Variants in ZNF280D observed in about 807,000 individuals in gnomAD.
The protein encoded by ZNF280D is zinc finger protein 280D.
A neutral mutation model predicts 94.7 loss-of-function variants in ZNF280D; 39 were observed. That is an observed-to-expected ratio of 0.41 (90% confidence interval 0.32 to 0.54). ZNF280D has a LOEUF of 0.54. ZNF280D is among the 20% of genes least tolerant of loss of function. ZNF280D has a pLI of 0.22. For synonymous variants in ZNF280D, 398 were observed against 377.6 expected (o/e 1.05, Z -0.63); for missense variants, 1,090 against 1,149.3 (o/e 0.95, Z 0.75).
At chr15:56,694,548 C>A (rs1166625223) in intron 6 of ZNF280D, among the ~76,000 whole-genome samples, 1 of 151,936 alleles carries the variant, frequency 6.6e-6, no homozygotes, top group Admixed American at 6.6e-5. Flanking sequence ...TACTAATGAA[C>A]AACATATACG....
At chr15:56,720,881 A>G (rs1177721777) in intron 1 of ZNF280D, among the ~76,000 whole-genome samples, 2 of 148,978 alleles carry the variant, frequency 1.3e-5, no homozygotes, top group Admixed American at 6.9e-5. Context: ...AACCACGTTT[A>G]CATCTGGTTC....
At chr15:56,686,436 G>A (rs1260733591) in intron 9 of ZNF280D, among the ~76,000 whole-genome samples, 1 of 152,004 alleles carries the variant, frequency 6.6e-6, no homozygotes, top group Non-Finnish European at 1.5e-5. Context: ...ATGACTCCCG[G>A]CCTCATAATA....
intron 1 of ZNF280D, among the ~76,000 whole-genome samples, chr15:56,708,671 T>C (rs2057564790): frequency 1.3e-5 from 2 of 152,082 alleles, no homozygotes; most frequent in African/African-American, 2.4e-5. Context: ...TATAGGCCAA[T>C]GGAACAGAAC....
At chr15:56,659,801 C>G (rs1430760890) in intron 16 of ZNF280D, among the ~76,000 whole-genome samples, 1 of 151,456 alleles carries the variant, frequency 6.6e-6, no homozygotes, top group Admixed American at 6.6e-5. Flanking sequence ...TTCACACACA[C>G]GCTAAAGTTT....
chr15:56,682,250 A>G lies in ZNF280D; in HGVS notation c.1004+4T>C. On this transcript the variant is annotated splice_donor_region_variant and intron_variant, in intron 10 of 21. Transcript: ENST00000267807. The stretch of plus-strand genomic sequence containing the variant: ...AATAGAAATAAAAACAAGTATTTAC[A>G]TACCTAATGTTATTTTTTAGAATTT... 1 of 1,528,766 alleles carries G rather than the reference A, an allele frequency of 6.5e-7. No homozygotes were observed. The highest frequency in any genetic ancestry group is 8.8e-7 in the Non-Finnish European group (1 of 1,135,468). 94.7% of individuals were successfully genotyped at this position (1,528,766 alleles called of 1,614,324 possible). A position where few individuals can be genotyped will look rare whatever the true frequency, so the allele number is the denominator to read the frequency against.
rs1178309687 is a variant in ZNF280D, at chr15:56,653,227, T to A, written c.2213+971A>T. 2.7e-6 allele frequency: 3 copies of A among 1,121,512 alleles called. No homozygotes were observed. The African/African-American group carries it at 4.8e-5, about 18-fold the overall frequency. The allele number at this position is 1,121,512 out of a possible 1,614,324, so 69.5% of individuals were successfully genotyped here. A position where few individuals can be genotyped will look rare whatever the true frequency, so the allele number is the denominator to read the frequency against. On this transcript the variant is annotated intron_variant, in intron 19 of 21. Coordinates refer to ENST00000267807, the MANE Select transcript of ZNF280D (RefSeq NM_017661.4). Reference sequence around the variant, plus strand: ...ACTGCATTCATGCTAGAGAAAGATTTAAAGGCAGCAGCCAAAATGACTAAA... The same window carrying A: ...ACTGCATTCATGCTAGAGAAAGATTAAAAGGCAGCAGCCAAAATGACTAAA...
At chr15:56,681,776 A>C (rs1285706082) in intron 10 of ZNF280D, among the ~76,000 whole-genome samples, 1 of 152,082 alleles carries the variant, frequency 6.6e-6, no homozygotes, top group Non-Finnish European at 1.5e-5. Flanking sequence ...GCTTCCTAGA[A>C]CTGATACATC....
chr15:56,632,502 T>C (rs942095415), intron 21 of ZNF280D, among the ~76,000 whole-genome samples: 2 of 149,906 alleles, frequency 1.3e-5, no homozygotes, highest in African/African-American at 4.9e-5. Flanking sequence ...TATGATTTTT[T>C]TTTTTTTTTT....
At chr15:56,691,258 C>G (rs1172621590) in intron 7 of ZNF280D, among the ~76,000 whole-genome samples, 1 of 152,152 alleles carries the variant, frequency 6.6e-6, no homozygotes, top group African/African-American at 2.4e-5. Flanking sequence ...TGGCTTCTCT[C>G]TTTCATCCTT....
At chr15:56,732,433 C>G (rs1390402815) in intron 1 of ZNF280D, among the ~76,000 whole-genome samples, 3 of 152,196 alleles carry the variant, frequency 2.0e-5, no homozygotes, top group African/African-American at 7.2e-5. Flanking sequence ...TGCGTGGAGA[C>G]AGCTGGAGTT....
At chr15:56,713,655 A>AT (rs1567027405) in intron 1 of ZNF280D, among the ~76,000 whole-genome samples, 2 of 152,208 alleles carry the variant, frequency 1.3e-5, no homozygotes, top group African/African-American at 4.8e-5. Flanking sequence ...TAACAATCTA[A>AT]TATTTCAAAC....
At chr15:56,685,194 T>C (rs181687912) in intron 9 of ZNF280D, among the ~76,000 whole-genome samples, 2 of 152,148 alleles carry the variant, frequency 1.3e-5, no homozygotes, top group Admixed American at 6.6e-5. Context: ...CACAGAAAGA[T>C]GTTTTCAGAC....
intron 1 of ZNF280D, among the ~76,000 whole-genome samples, chr15:56,709,552 A>G (rs1332567715): frequency 1.3e-5 from 2 of 152,218 alleles, no homozygotes; most frequent in Non-Finnish European, 2.9e-5. Context: ...ATAAAGACAC[A>G]TGCACACGTA....
intron 4 of ZNF280D, 45 bp downstream of exon 4, chr15:56,704,076 A>T: frequency 6.2e-7 from 1 of 1,606,242 alleles, no homozygotes; most frequent in African/African-American, 1.3e-5. Flanking sequence ...TTCTACTAGA[A>T]ATAATACCTT....
chr15:56,680,722 C>T (rs1273530148), intron 10 of ZNF280D, among the ~76,000 whole-genome samples: 1 of 150,808 alleles, frequency 6.6e-6, no homozygotes, highest in Non-Finnish European at 1.5e-5. Flanking sequence ...AGCGATCATC[C>T]TGCCTCAGCC....
At chr15:56,672,613 C>A (rs1327105270) in intron 13 of ZNF280D, among the ~76,000 whole-genome samples, 4 of 151,902 alleles carry the variant, frequency 2.6e-5, no homozygotes, top group Non-Finnish European at 5.9e-5. Flanking sequence ...CATCGAGGTT[C>A]ATCAAGGATA....
chr15:56,712,543 G>A (rs184411274), intron 1 of ZNF280D, among the ~76,000 whole-genome samples: 26 of 121,006 alleles, frequency 2.1e-4, no homozygotes, highest in African/African-American at 8.1e-4. Flanking sequence ...GCAGTGAGCC[G>A]AGACTGGGCC....
chr15:56,693,026 G>T, intron 7 of ZNF280D, 72 bp downstream of exon 7: 1 of 889,622 alleles, frequency 1.1e-6, no homozygotes, highest in Non-Finnish European at 1.8e-6. Flanking sequence ...CTTCAAAACA[G>T]AAAGTCAATC....
chr15:56,637,004 C>G (rs1181878396), intron 20 of ZNF280D, among the ~76,000 whole-genome samples: 1 of 152,054 alleles, frequency 6.6e-6, no homozygotes, highest in Non-Finnish European at 1.5e-5. Flanking sequence ...ACTGAGAAAA[C>G]AAAGTTTTAG....
Sources: gnomAD v4.1 joint callset for allele counts (sites outside exome capture counted in the v4.1 genomes callset) on GRCh38, gnomAD v4.1.1 for gene constraint, MANE v1.5 for transcripts, NCBI Gene and HGNC (gene_info 2026-07-23, HGNC 2026-07-21) for gene names.